Variants in ABL2 observed in about 807,000 individuals in gnomAD.
ABL2 encodes the protein ABL proto-oncogene 2, non-receptor tyrosine kinase, also known as tyrosine-protein kinase ABL2.
In ABL2, 49 loss-of-function variants were observed where a neutral mutation model predicts 107.7. The observed-to-expected ratio is 0.45, with a 90% CI of 0.36 to 0.58. The LOEUF is 0.58. Ranked by LOEUF, ABL2 falls within the 20% of genes least tolerant of loss-of-function variation. The pLI is 0.00. For missense variants in ABL2, 1,245 were observed against 1,457.0 expected, an observed-to-expected ratio of 0.85 and a Z score of 2.37; for synonymous variants, 549 against 548.6, an observed-to-expected ratio of 1.00 and a Z score of -0.01.
chr1:179,140,847 A>C (rs758096490), intron 1 of ABL2, among the ~76,000 whole-genome samples: 1 of 152,160 alleles, frequency 6.6e-6, no homozygotes, highest in Non-Finnish European at 1.5e-5. Flanking sequence ...CAGCCTGGGC[A>C]ACATCATGAG....
chr1:179,175,919 G>A (rs1039414923), intron 1 of ABL2, among the ~76,000 whole-genome samples: 1 of 148,292 alleles, frequency 6.7e-6, no homozygotes, highest in African/African-American at 2.5e-5. Context: ...ACAGTGGTAC[G>A]ATCTTGGCTC....
chr1:179,175,440 C>T (rs1234279781), intron 1 of ABL2, among the ~76,000 whole-genome samples: 1 of 152,208 alleles, frequency 6.6e-6, no homozygotes, highest in Admixed American at 6.5e-5. Context: ...CACCACCAGT[C>T]ACTTGGAACT....
rs747939022 is a variant in ABL2, at chr1:179,109,193, C to A, written c.2074G>T (p.Val692Phe). Residue 692 changes from valine (V) to phenylalanine (F), a missense_variant, in exon 12 of 12, where the codon GTT becomes TTT. Around this residue, in one of 3 missense-constraint regions of ABL2, gnomAD observed 761 missense variants for 766.4 expected, o/e 0.99. Transcript: ENST00000502732. ...KYELTGNFSSVASLQHADGFS... is the reference protein window; with the variant it reads ...KYELTGNFSSFASLQHADGFS... The stretch of plus-strand genomic sequence containing the variant: ...CCATCAGCATGCTGTAGAGAAGCAA[C>A]AGATGAGAAGTTACCCGTGAGTTCG... The A allele has an allele frequency of 2.5e-6, 4 of 1,613,896 alleles. No individual in the cohort carries two copies. Among genetic ancestry groups the A allele is most frequent in the East Asian group, 4.5e-5 (2 of 44,872 alleles).
intron 1 of ABL2, among the ~76,000 whole-genome samples, chr1:179,209,669 G>A (rs1303422580): frequency 6.6e-6 from 1 of 151,962 alleles, no homozygotes; most frequent in African/African-American, 2.4e-5. Flanking sequence ...GTCTCTTCCA[G>A]TTCTAAATTT....
intron 4 of ABL2, among the ~76,000 whole-genome samples, chr1:179,125,915 T>C (rs187620888): frequency 4.6e-5 from 7 of 152,354 alleles, no homozygotes; most frequent in Admixed American, 2.0e-4. Flanking sequence ...GTTCCCAATA[T>C]ACAAACTGTT....
intron 1 of ABL2, among the ~76,000 whole-genome samples, chr1:179,218,939 T>G (rs1463662636): frequency 6.6e-6 from 1 of 152,254 alleles, no homozygotes; most frequent in African/African-American, 2.4e-5. Context: ...AGAAGACATC[T>G]GTTAACATGG....
At chr1:179,203,294 C>T (rs1242758914) in intron 1 of ABL2, among the ~76,000 whole-genome samples, 1 of 152,170 alleles carries the variant, frequency 6.6e-6, no homozygotes, top group Non-Finnish European at 1.5e-5. Flanking sequence ...GTTTTCCTCT[C>T]TTCTGTTGCC....
chr1:179,178,525 C>A (rs769792396), intron 1 of ABL2, among the ~76,000 whole-genome samples: 3 of 151,826 alleles, frequency 2.0e-5, no homozygotes, highest in Non-Finnish European at 2.9e-5. Flanking sequence ...AACTAAATGA[C>A]CTTATAACTA....
At chr1:179,146,923 A>G (rs1220063042) in intron 1 of ABL2, among the ~76,000 whole-genome samples, 1 of 152,086 alleles carries the variant, frequency 6.6e-6, no homozygotes, top group African/African-American at 2.4e-5. Flanking sequence ...TAAAGACAGG[A>G]TACAAATTCT....
chr1:179,104,791 T>C lies in ABL2; in HGVS notation c.*2927A>G, dbSNP rs1277680297. 2 of 218,288 alleles carry C rather than the reference T, an allele frequency of 9.2e-6. No homozygotes were observed. Among genetic ancestry groups the C allele is most frequent in the East Asian group, 6.8e-5 (1 of 14,802 alleles). 13.5% of individuals were successfully genotyped at this position (218,288 alleles called of 1,614,324 possible). A position where few individuals can be genotyped will look rare whatever the true frequency, so the allele number is the denominator to read the frequency against. The stretch of plus-strand genomic sequence containing the variant: ...CAGCCCAAAGGCATGCATCCAGATA[T>C]ACAGCATAACCACTTTAGAAAACTG... On this transcript the variant is annotated 3_prime_UTR_variant, in exon 12 of 12. Transcript: ENST00000502732.
intron 8 of ABL2, 61 bp from the exon 9 acceptor site, chr1:179,115,091 T>C: frequency 6.7e-7 from 1 of 1,484,826 alleles, no homozygotes; most frequent in Non-Finnish European, 9.0e-7. Context: ...TTTTACATAA[T>C]TAGGTGATTC....
At chr1:179,124,740 G>A (rs924869712) in intron 4 of ABL2, among the ~76,000 whole-genome samples, 6 of 151,876 alleles carry the variant, frequency 4.0e-5, no homozygotes, top group Admixed American at 6.6e-5. Flanking sequence ...CTGGGATTAC[G>A]GGTGTGAGCC....
intron 8 of ABL2, among the ~76,000 whole-genome samples, chr1:179,116,033 A>G (rs892963683): frequency 1.4e-4 from 20 of 142,022 alleles, no homozygotes; most frequent in African/African-American, 3.9e-4. Flanking sequence ...ACTTCCCTCG[A>G]AAAAAAAAAA....
At chr1:179,195,051 C>G (rs1056000998) in intron 1 of ABL2, among the ~76,000 whole-genome samples, 2 of 151,940 alleles carry the variant, frequency 1.3e-5, no homozygotes, top group Admixed American at 1.3e-4. Context: ...ATTTTGGGAG[C>G]CTGAGGCAGG....
intron 1 of ABL2, among the ~76,000 whole-genome samples, chr1:179,173,878 C>A (rs1416431774): frequency 6.6e-6 from 1 of 151,984 alleles, no homozygotes; most frequent in Non-Finnish European, 1.5e-5. Flanking sequence ...GATTTGAACA[C>A]TGACTGGATG....
rs561396363 is a variant in ABL2, at chr1:179,160,757, A to G, written c.158-27383T>C. On this transcript the variant is annotated intron_variant, in intron 1 of 11. Coordinates refer to ENST00000502732, the MANE Select transcript of ABL2 (RefSeq NM_007314.4). Reference sequence around the variant, plus strand: ...TAATCATTTAAGCCAGGGTTTTTCAACCATGACACTATTGACATTTGGAGC... The same window carrying G: ...TAATCATTTAAGCCAGGGTTTTTCAGCCATGACACTATTGACATTTGGAGC... 5.3e-5 allele frequency among the ~76,000 whole-genome samples: 8 copies of G among 152,324 alleles called. No homozygotes were observed. In the South Asian group the frequency reaches 1.5e-3, roughly 28 times the overall value.
At chr1:179,229,167 T>TG in intron 1 of ABL2, 74 bp downstream of exon 1, 60 of 402,516 alleles carry the variant, frequency 1.5e-4, no homozygotes, top group Non-Finnish European at 2.2e-4. Context: ...GGGCAGCCCG[T>TG]CCGCCACCCA....
chr1:179,138,770 C>T (rs996914201), intron 1 of ABL2, among the ~76,000 whole-genome samples: 27 of 152,242 alleles, frequency 1.8e-4, no homozygotes, highest in South Asian at 6.2e-4. Flanking sequence ...CACCGCTGCA[C>T]TGTGGGAGCC....
chr1:179,143,051 G>T (rs1657734139), intron 1 of ABL2: 11 of 1,613,362 alleles, frequency 6.8e-6, no homozygotes, highest in Non-Finnish European at 9.3e-6. Context: ...CCATACCTCT[G>T]CCCAGAAGCA....
Sources: allele counts gnomAD v4.1 joint callset (sites outside exome capture counted in the v4.1 genomes callset), GRCh38; gene constraint gnomAD v4.1.1; regional missense constraint gnomAD v4.1.1; transcripts MANE v1.5; gene names NCBI Gene and HGNC (gene_info 2026-07-23, HGNC 2026-07-21).